The following SLC23A2 variants were observed in gnomAD, a reference collection of about 807,000 sequenced individuals.
The protein encoded by SLC23A2 is solute carrier family 23 member 2.
In SLC23A2, 36 loss-of-function variants were observed where a neutral mutation model predicts 73.3. That is an observed-to-expected ratio of 0.49 (90% CI 0.38 to 0.65). The LOEUF (loss-of-function observed/expected upper bound fraction) is 0.65, where lower values mean the gene tolerates loss of function less well. Among genes scored for constraint, SLC23A2 ranks in the 30% least tolerant of loss-of-function variants. The pLI is 0.00. For synonymous variants in SLC23A2, 343 were observed against 327.3 expected, an observed-to-expected ratio of 1.05 and a Z score of -0.52; for missense variants, 507 against 841.6, an observed-to-expected ratio of 0.60 and a Z score of 4.92.
At chr20:4,943,633 C>G (rs1001753305) in intron 2 of SLC23A2, among the ~76,000 whole-genome samples, 1 of 148,094 alleles carries the variant, frequency 6.8e-6, no homozygotes, top group Non-Finnish European at 1.5e-5. Flanking sequence ...TGAGACTGCA[C>G]GACTACACTC....
upstream of SLC23A2, among the ~76,000 whole-genome samples, chr20:5,003,724 A>G (rs2088159735): frequency 6.6e-6 from 1 of 151,780 alleles, no homozygotes; most frequent in African/African-American, 2.4e-5. Flanking sequence ...AACCTTCCAT[A>G]GTCCCAGTCT....
At chr20:4,981,164 C>G (rs1028236458) in intron 1 of SLC23A2, among the ~76,000 whole-genome samples, 4 of 152,214 alleles carry the variant, frequency 2.6e-5, no homozygotes, top group African/African-American at 9.7e-5. Context: ...CCTGCTCTAT[C>G]TTTGCTCTCT....
intron 6 of SLC23A2, among the ~76,000 whole-genome samples, chr20:4,886,217 C>T (rs957299440): frequency 8.5e-5 from 13 of 152,214 alleles, no homozygotes; most frequent in Admixed American, 4.6e-4. Flanking sequence ...CGGGAGACTG[C>T]GGGCATTTGA....
chr20:4,926,854 T>C (rs1314257971), intron 3 of SLC23A2, among the ~76,000 whole-genome samples: 1 of 152,092 alleles, frequency 6.6e-6, no homozygotes, highest in Admixed American at 6.6e-5. Context: ...CAACACAGGA[T>C]GCCTAAGAGA....
At chr20:4,911,856 T>C (rs528196272) in intron 4 of SLC23A2, among the ~76,000 whole-genome samples, 1 of 152,082 alleles carries the variant, frequency 6.6e-6, no homozygotes, top group Non-Finnish European at 1.5e-5. Context: ...TTATTTATTT[T>C]TTTTAGAGAC....
chr20:5,002,108 C>A (rs1385790098), upstream of SLC23A2, among the ~76,000 whole-genome samples: 2 of 152,166 alleles, frequency 1.3e-5, no homozygotes, highest in Admixed American at 6.5e-5. Flanking sequence ...GCCCAAAAGT[C>A]TGCACTTCTA....
upstream of SLC23A2, among the ~76,000 whole-genome samples, chr20:5,005,843 G>A (rs978785945): frequency 1.3e-5 from 2 of 151,910 alleles, no homozygotes; most frequent in African/African-American, 2.4e-5. Flanking sequence ...AAAATTAGCC[G>A]GGCATGGTGG....
intron 6 of SLC23A2, among the ~76,000 whole-genome samples, chr20:4,889,559 A>G (rs1052847173): frequency 6.6e-6 from 1 of 151,428 alleles, no homozygotes; most frequent in Non-Finnish European, 1.5e-5. Context: ...TCTGTGTGTC[A>G]TCTTTGCTTT....
chr20:5,001,531 G>A, upstream of SLC23A2: 1 of 150,706 alleles, frequency 6.6e-6, no homozygotes, highest in Non-Finnish European at 1.5e-5. Flanking sequence ...GGCGGGCCGG[G>A]GGCGGGGTGC....
chr20:4,983,578 G>A (rs527376277), intron 1 of SLC23A2, among the ~76,000 whole-genome samples: 10 of 151,034 alleles, frequency 6.6e-5, no homozygotes, highest in African/African-American at 1.7e-4. Context: ...CCCGGGCAGC[G>A]GAGTTTGCAG....
In SLC23A2 at chr20:4,861,963, T is replaced by G; in HGVS notation, c.1609A>C (p.Asn537His). Residue 537 changes from asparagine to histidine, a missense_variant, in exon 15 of 17, where the codon AAC becomes CAC. Transcript: ENST00000338244. ...GLVLPSYLRQNPLVTGITGID... is the reference protein window; with the variant it reads ...GLVLPSYLRQHPLVTGITGID... Reference sequence around the variant, plus strand: ...ATTTCCTCACCTGTGACCAGAGGGTTCTGTCTGAGGTAACTTGGAAGGACG... The same window carrying G: ...ATTTCCTCACCTGTGACCAGAGGGTGCTGTCTGAGGTAACTTGGAAGGACG... 1 of 1,614,120 alleles carries G rather than the reference T, an allele frequency of 6.2e-7. No homozygotes were observed. Among genetic ancestry groups the G allele is most frequent in the Non-Finnish European group, 8.5e-7 (1 of 1,179,998 alleles).
At chr20:4,860,092 T>C (rs1426931322) in intron 15 of SLC23A2, among the ~76,000 whole-genome samples, 1 of 152,176 alleles carries the variant, frequency 6.6e-6, no homozygotes, top group Non-Finnish European at 1.5e-5. Flanking sequence ...AAAAATAGAA[T>C]TACCACATGA....
At chr20:4,889,041 GAC>G (rs1043244394) in intron 6 of SLC23A2, among the ~76,000 whole-genome samples, 6 of 152,172 alleles carry the variant, frequency 3.9e-5, no homozygotes, top group Non-Finnish European at 8.8e-5. Flanking sequence ...ATATCTGCTT[GAC>G]ACCAGCACAA....
Position 4,859,368 on chromosome 20 carries a change from A to G in SLC23A2, c.1641T>C (p.Asp547=), listed in dbSNP as rs1929868133. 6.2e-7 allele frequency: 1 copy of G among 1,611,662 alleles called. No homozygotes were observed. Among genetic ancestry groups the G allele is most frequent in the Non-Finnish European group, 8.5e-7 (1 of 1,177,730 alleles). Residue 547 remains aspartate (D), a synonymous_variant, in exon 16 of 17, where the codon GAT becomes GAC. Transcript: ENST00000338244. Reference sequence around the variant, plus strand: ...TTGTGAGAAGGACGTTCAACACTTGATCGATTCCTGTTATCCCTAGAAAGA... The same window carrying G: ...TTGTGAGAAGGACGTTCAACACTTGGTCGATTCCTGTTATCCCTAGAAAGA... ...NPLVTGITGI[D]QVLNVLLTTA...
intron 6 of SLC23A2, among the ~76,000 whole-genome samples, chr20:4,896,972 G>A (rs560226539): frequency 6.6e-5 from 10 of 152,154 alleles, no homozygotes; most frequent in Non-Finnish European, 1.0e-4. Flanking sequence ...AGAGCCCTTG[G>A]AGCCTGCAGG....
chr20:4,940,459 TA>T (rs756616250), intron 2 of SLC23A2, among the ~76,000 whole-genome samples: 8 of 146,582 alleles, frequency 5.5e-5, no homozygotes, highest in South Asian at 4.3e-4. Flanking sequence ...TATTAGTCAT[TA>T]AAAAAAAAAC....
chr20:4,948,028 A>G (rs982900028), intron 2 of SLC23A2, among the ~76,000 whole-genome samples: 23 of 152,148 alleles, frequency 1.5e-4, no homozygotes, highest in Admixed American at 1.2e-3. Context: ...TGCCTGCTCC[A>G]TCCTCTTTCC....
intron 3 of SLC23A2, among the ~76,000 whole-genome samples, chr20:4,922,296 G>A (rs1943343272): frequency 2.0e-5 from 3 of 152,136 alleles, no homozygotes; most frequent in Admixed American, 2.0e-4. Context: ...CAAGGCTGTG[G>A]GGCAGGGAGA....
chr20:4,964,899 G>GA (rs11087663), intron 2 of SLC23A2, among the ~76,000 whole-genome samples: 85 of 137,710 alleles, frequency 6.2e-4, no homozygotes, highest in African/African-American at 1.5e-3. Flanking sequence ...GGGAAAAGAA[G>GA]AAAAAAAAAA....
Sources: allele counts gnomAD v4.1 joint callset (sites outside exome capture counted in the v4.1 genomes callset), GRCh38; gene constraint gnomAD v4.1.1; transcripts MANE v1.5; gene names NCBI Gene and HGNC (gene_info 2026-07-23, HGNC 2026-07-21).